Variants in ZNF804B observed in about 807,000 individuals in gnomAD.
The protein encoded by ZNF804B is zinc finger protein 804B, also known as zinc finger 804B.
A neutral mutation model predicts 101.4 loss-of-function variants in ZNF804B; 80 were observed. That is an observed-to-expected ratio of 0.79 (90% CI 0.66 to 0.95). ZNF804B has a LOEUF of 0.95. Ranked by LOEUF, ZNF804B falls within the 40% of genes least tolerant of loss-of-function variation. The probability of loss-of-function intolerance (pLI) is 0.00; values close to 1 mark genes in which losing one functional copy is unlikely to be tolerated. For synonymous variants in ZNF804B, 622 were observed against 558.8 expected, an observed-to-expected ratio of 1.11 and a Z score of -1.59; for missense variants, 1,673 against 1,561.9, an observed-to-expected ratio of 1.07 and a Z score of -1.20.
At chr7:88,980,985 T>C (rs1305772715) in intron 1 of ZNF804B, among the ~76,000 whole-genome samples, 3 of 152,042 alleles carry the variant, frequency 2.0e-5, no homozygotes, top group African/African-American at 7.2e-5. Context: ...AGGAATCTAC[T>C]TGGCGCTCTG....
chr7:89,253,231 T>C (rs117800492), intron 2 of ZNF804B, among the ~76,000 whole-genome samples: 1,983 of 152,210 alleles, frequency 0.013, 23 homozygotes, highest in Admixed American at 0.022. Flanking sequence ...TAAGTATTTT[T>C]ATAAACAAGA....
rs1271041366 is a variant in ZNF804B, at chr7:89,000,611, T to C, written c.109-217544T>C. Among the ~76,000 whole-genome samples the C allele has an allele frequency of 2.0e-5, 3 of 151,920 alleles. No homozygotes were observed. The East Asian group carries it at 5.8e-4, about 29-fold the overall frequency. On this transcript the variant is annotated intron_variant, in intron 1 of 3. Coordinates refer to ENST00000333190, the MANE Select transcript of ZNF804B (RefSeq NM_181646.5). ...ACATATTTATCTTCCAACTGAAAGTTTGTACTCTTTGACCATCTCCCTTTT... is the reference window on the plus strand; with the variant it reads ...ACATATTTATCTTCCAACTGAAAGTCTGTACTCTTTGACCATCTCCCTTTT...
intron 1 of ZNF804B, among the ~76,000 whole-genome samples, chr7:89,094,625 C>T (rs1341746175): frequency 6.6e-6 from 1 of 152,046 alleles, no homozygotes; most frequent in African/African-American, 2.4e-5. Context: ...GGAAACTCTT[C>T]TCCTTTGCTA....
chr7:89,150,481 T>A (rs912047727), intron 1 of ZNF804B, among the ~76,000 whole-genome samples: 3 of 152,116 alleles, frequency 2.0e-5, no homozygotes. Flanking sequence ...TTTGTCATCC[T>A]GGCCTCCAGA....
chr7:89,252,471 T>C (rs1231866391), intron 2 of ZNF804B, among the ~76,000 whole-genome samples: 1 of 152,134 alleles, frequency 6.6e-6, no homozygotes, highest in Non-Finnish European at 1.5e-5. Flanking sequence ...GGAAAGAAGT[T>C]TGGACATTTC....
At chr7:89,004,430 G>C (rs1265889189) in intron 1 of ZNF804B, among the ~76,000 whole-genome samples, 1 of 151,890 alleles carries the variant, frequency 6.6e-6, no homozygotes, top group Non-Finnish European at 1.5e-5. Context: ...CAGGGAATGT[G>C]ACTTTATTTT....
At position 88,888,458 on chromosome 7, in the gene ZNF804B, A is replaced by G. The variant is rs139272498; in HGVS notation, c.108+128374A>G. The stretch of plus-strand genomic sequence containing the variant: ...AATTAGTTATCATCACCAATGATTT[A>G]CGTATTTATGATACTTTTACAGTTG... On this transcript the variant is annotated intron_variant, in intron 1 of 3. Transcript: ENST00000333190. Among the ~76,000 whole-genome samples the G allele has an allele frequency of 8.4e-3, 1,286 of 152,214 alleles. 23 individuals are homozygous for G. The highest frequency in any genetic ancestry group is 0.029 in the African/African-American group (1,210 of 41,524).
chr7:89,292,787 G>A lies in ZNF804B; in HGVS notation c.250-34557G>A, dbSNP rs190424301. 1.4e-3 allele frequency among the ~76,000 whole-genome samples: 217 copies of A among 151,928 alleles called. 1 individual carries two copies. Among genetic ancestry groups the A allele is most frequent in the African/African-American group, 4.9e-3 (205 of 41,460 alleles). On this transcript the variant is annotated intron_variant, in intron 2 of 3. Transcript: ENST00000333190. ...ATGTAATGAAATAATTGGATGAAAGGTCAACATAATAAAAATTAATTGTAT... is the reference window on the plus strand; with the variant it reads ...ATGTAATGAAATAATTGGATGAAAGATCAACATAATAAAAATTAATTGTAT...
intron 1 of ZNF804B, among the ~76,000 whole-genome samples, chr7:89,205,164 C>T (rs544373341): frequency 3.6e-4 from 55 of 152,208 alleles, no homozygotes; most frequent in African/African-American, 1.3e-3. Flanking sequence ...AAAAACCTAC[C>T]CTCCATGATT....
chr7:89,023,570 G>GAAAACTCT (rs1238344007), intron 1 of ZNF804B, among the ~76,000 whole-genome samples: 2 of 152,128 alleles, frequency 1.3e-5, no homozygotes, highest in Non-Finnish European at 2.9e-5. Context: ...CATTTTACTA[G>GAAAACTCT]AGTTTATTTA....
At chr7:89,182,144 C>T (rs981626739) in intron 1 of ZNF804B, among the ~76,000 whole-genome samples, 3 of 152,134 alleles carry the variant, frequency 2.0e-5, no homozygotes, top group African/African-American at 7.2e-5. Context: ...GCTACCTAAT[C>T]ATAGATATTA....
At chr7:89,064,279 C>T (rs564196308) in intron 1 of ZNF804B, among the ~76,000 whole-genome samples, 4 of 152,268 alleles carry the variant, frequency 2.6e-5, no homozygotes, top group African/African-American at 7.2e-5. Flanking sequence ...GCTGTTCTCT[C>T]TCCTGGAAAC....
intron 1 of ZNF804B, among the ~76,000 whole-genome samples, chr7:88,874,377 C>A (rs1021111398): frequency 1.1e-4 from 16 of 151,196 alleles, no homozygotes; most frequent in Admixed American, 1.1e-3. Flanking sequence ...TGGGCTGAGA[C>A]AATGGGGTTT....
At chr7:88,999,547 G>T (rs751283507) in intron 1 of ZNF804B, among the ~76,000 whole-genome samples, 1 of 151,790 alleles carries the variant, frequency 6.6e-6, no homozygotes, top group East Asian at 1.9e-4. Flanking sequence ...TCTATCTTTC[G>T]TTCAGTGCAC....
At chr7:88,918,362 G>T (rs1792667027) in intron 1 of ZNF804B, among the ~76,000 whole-genome samples, 1 of 152,118 alleles carries the variant, frequency 6.6e-6, no homozygotes, top group South Asian at 2.1e-4. Context: ...GGGAACTTTA[G>T]ATCTCTTACT....
chr7:88,921,724 T>G (rs1792722317), intron 1 of ZNF804B, among the ~76,000 whole-genome samples: 1 of 152,030 alleles, frequency 6.6e-6, no homozygotes. Flanking sequence ...GTGTCCCCAG[T>G]AATAGGTAGA....
At chr7:89,020,974 T>C (rs1259482991) in intron 1 of ZNF804B, among the ~76,000 whole-genome samples, 2 of 152,204 alleles carry the variant, frequency 1.3e-5, no homozygotes, top group African/African-American at 4.8e-5. Context: ...TGATGATTAT[T>C]ATCTGTTACT....
At chr7:89,116,743 A>G (rs1790317597) in intron 1 of ZNF804B, among the ~76,000 whole-genome samples, 1 of 152,160 alleles carries the variant, frequency 6.6e-6, no homozygotes, top group Non-Finnish European at 1.5e-5. Flanking sequence ...TCTAGCAACT[A>G]CATTTCGGCA....
At chr7:88,996,851 T>C (rs1281205207) in intron 1 of ZNF804B, among the ~76,000 whole-genome samples, 2 of 152,026 alleles carry the variant, frequency 1.3e-5, no homozygotes, top group African/African-American at 4.8e-5. Flanking sequence ...ATGGTTGAAA[T>C]TGAGCCAGGA....
Sources: allele counts gnomAD v4.1 joint callset (sites outside exome capture counted in the v4.1 genomes callset), GRCh38; gene constraint gnomAD v4.1.1; transcripts MANE v1.5; gene names NCBI Gene and HGNC (gene_info 2026-07-23, HGNC 2026-07-21).